The following RBFOX1 variants were observed in gnomAD, a reference collection of about 807,000 sequenced individuals.
The protein encoded by RBFOX1 is RNA binding protein fox-1 homolog 1.
In RBFOX1, 8 loss-of-function variants were observed where a neutral mutation model predicts 57.7. That is an observed-to-expected ratio of 0.14 (90% CI 0.08 to 0.25). RBFOX1 has a LOEUF of 0.25. Ranked by LOEUF, RBFOX1 falls within the 10% of genes least tolerant of loss-of-function variation. The pLI, the probability that RBFOX1 is intolerant of heterozygous loss-of-function variation, is 1.00. For missense variants in RBFOX1, 611 were observed against 548.5 expected (o/e 1.11, Z -1.14); for synonymous variants, 326 against 222.4 (o/e 1.47, Z -4.15).
intron 4 of RBFOX1, among the ~76,000 whole-genome samples, chr16:5,979,909 G>C (rs1188379263): frequency 5.3e-5 from 8 of 152,142 alleles, no homozygotes; most frequent in Non-Finnish European, 1.0e-4. Flanking sequence ...AGGTTAAATT[G>C]CTTCCCCATG....
intron 1 of RBFOX1, among the ~76,000 whole-genome samples, chr16:6,294,243 G>A (rs1223014570): frequency 1.3e-5 from 2 of 152,146 alleles, no homozygotes; most frequent in African/African-American, 4.8e-5. Flanking sequence ...ATGTCTAAAG[G>A]CAATAGAGAT....
At chr16:6,526,172 C>G (rs770367678) in intron 2 of RBFOX1, among the ~76,000 whole-genome samples, 1 of 152,172 alleles carries the variant, frequency 6.6e-6, no homozygotes, top group Non-Finnish European at 1.5e-5. Flanking sequence ...CCAAACCATT[C>G]TTTATTTCAG....
intron 3 of RBFOX1, among the ~76,000 whole-genome samples, chr16:5,787,291 TA>T (rs1317807482): frequency 2.0e-5 from 3 of 152,220 alleles, no homozygotes; most frequent in Non-Finnish European, 2.9e-5. Context: ...CTGTTCATCA[TA>T]AGCATCAGAG....
At chr16:6,189,709 G>C (rs1232922172) in intron 1 of RBFOX1, among the ~76,000 whole-genome samples, 1 of 152,168 alleles carries the variant, frequency 6.6e-6, no homozygotes, top group Admixed American at 6.5e-5. Flanking sequence ...GTTGAGGTTA[G>C]AACACTCTGA....
At chr16:7,396,517 C>G (rs2098141463) in intron 4 of RBFOX1, among the ~76,000 whole-genome samples, 1 of 152,208 alleles carries the variant, frequency 6.6e-6, no homozygotes. Flanking sequence ...AGGACACAGT[C>G]ACTCAGAGTA....
chr16:6,903,224 T>C (rs2068909435), intron 3 of RBFOX1, among the ~76,000 whole-genome samples: 1 of 152,138 alleles, frequency 6.6e-6, no homozygotes, highest in Non-Finnish European at 1.5e-5. Context: ...TCATGCAGCA[T>C]TGCACAAGCT....
At chr16:6,928,656 C>T (rs540608382) in intron 3 of RBFOX1, among the ~76,000 whole-genome samples, 1 of 152,070 alleles carries the variant, frequency 6.6e-6, no homozygotes, top group African/African-American at 2.4e-5. Flanking sequence ...TGGGATTCTT[C>T]AAAAGTAGCC....
At chr16:7,016,968 G>T (rs1386771494) in intron 3 of RBFOX1, among the ~76,000 whole-genome samples, 3 of 152,032 alleles carry the variant, frequency 2.0e-5, no homozygotes, top group African/African-American at 4.8e-5. Context: ...CAGTAGTAAA[G>T]GTTTCACCAT....
intron 3 of RBFOX1, among the ~76,000 whole-genome samples, chr16:6,996,858 C>G (rs535870953): frequency 4.6e-5 from 7 of 152,138 alleles, no homozygotes; most frequent in African/African-American, 1.7e-4. Context: ...GACACAGAGG[C>G]TGAAAGAATA....
At chr16:6,736,932 G>A (rs2070515383) in intron 3 of RBFOX1, among the ~76,000 whole-genome samples, 1 of 152,204 alleles carries the variant, frequency 6.6e-6, no homozygotes, top group East Asian at 1.9e-4. Flanking sequence ...GATTGGTGAT[G>A]TCTGCTGTGA....
chr16:6,010,872 G>T (rs2094957298), intron 4 of RBFOX1, among the ~76,000 whole-genome samples: 1 of 152,188 alleles, frequency 6.6e-6, no homozygotes, highest in East Asian at 1.9e-4. Flanking sequence ...TGGTTCATGT[G>T]TCTTAATCGA....
intron 3 of RBFOX1, among the ~76,000 whole-genome samples, chr16:6,998,971 C>G (rs901971620): frequency 6.6e-6 from 1 of 151,250 alleles, no homozygotes; most frequent in Admixed American, 6.6e-5. Flanking sequence ...CAGGTTCAAG[C>G]GATTCTCGTG....
chr16:6,508,582 G>A (rs372932808), intron 2 of RBFOX1, among the ~76,000 whole-genome samples: 11 of 152,146 alleles, frequency 7.2e-5, no homozygotes, highest in South Asian at 2.1e-4. Context: ...GTAACATCTC[G>A]TCTCTGCTTC....
intron 14 of RBFOX1, among the ~76,000 whole-genome samples, chr16:7,701,907 G>A (rs1028895693): frequency 6.6e-6 from 1 of 152,142 alleles, no homozygotes; most frequent in Non-Finnish European, 1.5e-5. Context: ...GCTTTCAGGA[G>A]GGTTTCTCCC....
At chr16:5,884,993 C>G (rs984986000) in intron 4 of RBFOX1, among the ~76,000 whole-genome samples, 4 of 152,182 alleles carry the variant, frequency 2.6e-5, no homozygotes, top group Admixed American at 2.0e-4. Context: ...GAACCTAGAA[C>G]CAATGCTTTT....
chr16:7,176,073 T>TCA (rs2081589784), intron 4 of RBFOX1, among the ~76,000 whole-genome samples: 1 of 151,888 alleles, frequency 6.6e-6, no homozygotes. Flanking sequence ...CAGTCTCCAC[T>TCA]CACAGACCGC....
At chr16:5,609,514 C>A (rs187863687) in intron 3 of RBFOX1, among the ~76,000 whole-genome samples, 1 of 152,150 alleles carries the variant, frequency 6.6e-6, no homozygotes, top group African/African-American at 2.4e-5. Context: ...AGGGCAGGAT[C>A]GTCCTGGAGT....
At chr16:6,242,641 C>A (rs1224900707) in intron 1 of RBFOX1, among the ~76,000 whole-genome samples, 1 of 148,706 alleles carries the variant, frequency 6.7e-6, no homozygotes, top group East Asian at 2.0e-4. Flanking sequence ...CACACACACA[C>A]ACACACACAC....
intron 3 of RBFOX1, among the ~76,000 whole-genome samples, chr16:6,798,880 T>C (rs769573809): frequency 6.6e-6 from 1 of 152,188 alleles, no homozygotes; most frequent in African/African-American, 2.4e-5. Context: ...TGATGACTCT[T>C]CCTTTCTGTA....
Sources: allele counts gnomAD v4.1 joint callset (sites outside exome capture counted in the v4.1 genomes callset), GRCh38; gene constraint gnomAD v4.1.1; transcripts MANE v1.5; gene names NCBI Gene and HGNC (gene_info 2026-07-23, HGNC 2026-07-21).